The following CTNNA3 variants were observed in gnomAD, a reference collection of about 807,000 sequenced individuals.
CTNNA3 encodes catenin alpha 3.
CTNNA3 carries 76 observed loss-of-function variants against 95.7 expected under a neutral mutation model. The ratio of observed to expected loss-of-function variants is 0.79; its 90% CI spans 0.66 to 0.96. The LOEUF (loss-of-function observed/expected upper bound fraction) is 0.96, where lower values mean the gene tolerates loss of function less well. Among genes scored for constraint, CTNNA3 ranks in the 40% least tolerant of loss-of-function variants. The probability of loss-of-function intolerance (pLI) is 0.00; values close to 1 mark genes in which losing one functional copy is unlikely to be tolerated. For synonymous variants in CTNNA3, 431 were observed against 374.4 expected (o/e 1.15, Z -1.74); for missense variants, 1,191 against 1,089.8 (o/e 1.09, Z -1.31).
At position 66,968,948 on chromosome 10, in the gene CTNNA3, C is replaced by T. The variant is rs938144617; in HGVS notation, c.1048-193424G>A. Among the ~76,000 whole-genome samples the T allele has an allele frequency of 2.6e-5, 4 of 151,848 alleles. 1 individual carries two copies. The highest frequency in any genetic ancestry group is 9.7e-5 in the African/African-American group (4 of 41,298). On this transcript the variant is annotated intron_variant, in intron 7 of 17. Coordinates refer to ENST00000433211, the MANE Select transcript of CTNNA3 (RefSeq NM_013266.4). ...AGGAGAATTGCTTGAACCCAGGAAG[C>T]GGAGGTTCCAGTGAGCTGAGAACAC...
intron 3 of CTNNA3, among the ~76,000 whole-genome samples, chr10:67,559,233 C>G (rs1342318239): frequency 6.6e-6 from 1 of 152,230 alleles, no homozygotes; most frequent in African/African-American, 2.4e-5. Flanking sequence ...AACTGGGAGG[C>G]AACCCCCAGT....
At chr10:66,521,890 C>A (rs1175764073) in intron 10 of CTNNA3, among the ~76,000 whole-genome samples, 1 of 152,158 alleles carries the variant, frequency 6.6e-6, no homozygotes, top group Non-Finnish European at 1.5e-5. Flanking sequence ...CTTGGTCCCA[C>A]TTATTTAAAA....
intron 12 of CTNNA3, among the ~76,000 whole-genome samples, chr10:66,360,291 T>A (rs1029684322): frequency 6.6e-5 from 10 of 152,092 alleles, no homozygotes; most frequent in African/African-American, 2.2e-4. Flanking sequence ...GGTTTCCACG[T>A]GTTTGGGAAA....
intron 10 of CTNNA3, among the ~76,000 whole-genome samples, chr10:66,563,823 C>A (rs2132141670): frequency 6.6e-6 from 1 of 152,102 alleles, no homozygotes; most frequent in East Asian, 1.9e-4. Context: ...GTGACTATTC[C>A]AATAAATTGT....
intron 11 of CTNNA3, among the ~76,000 whole-genome samples, chr10:66,390,826 C>T (rs1259028980): frequency 6.6e-6 from 1 of 152,130 alleles, no homozygotes; most frequent in Non-Finnish European, 1.5e-5. Flanking sequence ...TAAGCAAAAA[C>T]TAGCTTGAGA....
At position 66,854,464 on chromosome 10, in the gene CTNNA3, C is replaced by CAT. The variant is rs138483068; in HGVS notation, c.1048-78942_1048-78941dup. ...TCGACAAACAAGTAAAAGTATTAAT[C>CAT]ATATATATATATGTACAAATAACGG... On this transcript the variant is annotated intron_variant, in intron 7 of 17. Coordinates refer to ENST00000433211, the MANE Select transcript of CTNNA3 (RefSeq NM_013266.4). Among the ~76,000 whole-genome samples the CAT allele has an allele frequency of 1.4e-3, 208 of 151,570 alleles. 2 individuals carry two copies. Among genetic ancestry groups the CAT allele is most frequent in the African/African-American group, 4.3e-3 (179 of 41,388 alleles).
intron 7 of CTNNA3, among the ~76,000 whole-genome samples, chr10:67,023,825 G>A (rs1853182476): frequency 6.6e-6 from 1 of 152,152 alleles, no homozygotes; most frequent in African/African-American, 2.4e-5. Context: ...TTAGGATACA[G>A]GAGTTTTACA....
chr10:67,726,066 A>G (rs1375588545), intron 1 of CTNNA3, among the ~76,000 whole-genome samples: 1 of 126,486 alleles, frequency 7.9e-6, no homozygotes, highest in African/African-American at 3.0e-5. Flanking sequence ...TATAAAAAAT[A>G]AATATATTTA....
At chr10:66,727,398 C>G (rs1848814651) in intron 9 of CTNNA3, among the ~76,000 whole-genome samples, 1 of 151,936 alleles carries the variant, frequency 6.6e-6, no homozygotes, top group South Asian at 2.1e-4. Flanking sequence ...CTCTTTTAAA[C>G]TAGTCAAGGG....
chr10:67,547,067 G>A (rs182873514), intron 3 of CTNNA3, among the ~76,000 whole-genome samples: 9 of 152,166 alleles, frequency 5.9e-5, no homozygotes, highest in African/African-American at 1.9e-4. Flanking sequence ...ATACAACAAC[G>A]ATTATAACAT....
At chr10:67,468,480 A>C (rs1440965465) in intron 5 of CTNNA3, among the ~76,000 whole-genome samples, 2 of 152,236 alleles carry the variant, frequency 1.3e-5, no homozygotes, top group Non-Finnish European at 1.5e-5. Context: ...ACAGAGTGTC[A>C]GTATAGAAGT....
intron 7 of CTNNA3, among the ~76,000 whole-genome samples, chr10:66,951,656 C>T (rs944511773): frequency 5.3e-5 from 8 of 152,080 alleles, no homozygotes; most frequent in Non-Finnish European, 1.2e-4. Context: ...ACACTATTGG[C>T]TTTTGTTCCT....
intron 7 of CTNNA3, among the ~76,000 whole-genome samples, chr10:66,854,662 C>G (rs1481336213): frequency 1.3e-5 from 2 of 151,412 alleles, no homozygotes; most frequent in Non-Finnish European, 2.9e-5. Flanking sequence ...AATTGACTGA[C>G]AAGGGCATTT....
chr10:66,952,412 G>A (rs1161797249), intron 7 of CTNNA3, among the ~76,000 whole-genome samples: 1 of 152,150 alleles, frequency 6.6e-6, no homozygotes, highest in Non-Finnish European at 1.5e-5. Flanking sequence ...CGCATCTGTA[G>A]CAGCCAGAAA....
chr10:67,448,144 A>G (rs1846824833), intron 5 of CTNNA3, among the ~76,000 whole-genome samples: 1 of 152,208 alleles, frequency 6.6e-6, no homozygotes, highest in South Asian at 2.1e-4. Flanking sequence ...TCATGCACCA[A>G]TTCATATGAT....
At chr10:67,119,196 T>G (rs1859345913) in intron 7 of CTNNA3, among the ~76,000 whole-genome samples, 1 of 151,934 alleles carries the variant, frequency 6.6e-6, no homozygotes, top group African/African-American at 2.4e-5. Context: ...TTCTTTTTCT[T>G]TTTTTGGAAG....
chr10:66,584,412 A>G (rs942610178), intron 10 of CTNNA3, among the ~76,000 whole-genome samples: 9 of 151,908 alleles, frequency 5.9e-5, no homozygotes, highest in African/African-American at 9.7e-5. Flanking sequence ...TGTTGAATTT[A>G]TCCTATTTTA....
chr10:66,230,351 A>G (rs1254259875), intron 13 of CTNNA3, among the ~76,000 whole-genome samples: 1 of 151,984 alleles, frequency 6.6e-6, no homozygotes, highest in Non-Finnish European at 1.5e-5. Flanking sequence ...TAATAGGGAA[A>G]GACTTTTTCC....
intron 16 of CTNNA3, among the ~76,000 whole-genome samples, chr10:65,984,577 C>T (rs1408070198): frequency 6.6e-6 from 1 of 150,586 alleles, no homozygotes; most frequent in Non-Finnish European, 1.5e-5. Context: ...TTGCTTTCTC[C>T]CATACCATTT....
Sources: allele counts gnomAD v4.1 joint callset (sites outside exome capture counted in the v4.1 genomes callset), GRCh38; gene constraint gnomAD v4.1.1; transcripts MANE v1.5; gene names NCBI Gene and HGNC (gene_info 2026-07-23, HGNC 2026-07-21).